C9orf153: variants seen among roughly 807,000 people sequenced by gnomAD.
C9orf153 encodes uncharacterized protein C9orf153.
Under a neutral mutation model 9.0 loss-of-function variants are expected in C9orf153, and 10 were observed. The observed-to-expected ratio is 1.11, with a 90% CI of 0.69 to 1.89. C9orf153 has a LOEUF of 1.89. Among genes scored for constraint, C9orf153 ranks in the 40% most tolerant of loss-of-function variants. The probability of loss-of-function intolerance (pLI) is 0.00; values close to 1 mark genes in which losing one functional copy is unlikely to be tolerated. For synonymous variants in C9orf153, 35 were observed against 37.3 expected (o/e 0.94, Z 0.23); for missense variants, 108 against 111.0 (o/e 0.97, Z 0.12).
At chr9:86,256,034 C>T (rs1825117235) in intron 1 of C9orf153, among the ~76,000 whole-genome samples, 1 of 152,246 alleles carries the variant, frequency 6.6e-6, no homozygotes, top group African/African-American at 2.4e-5. Flanking sequence ...TGCAGCTTTG[C>T]TTGACGCAGT....
chr9:86,242,179 C>T (rs1219325719), intron 1 of C9orf153, among the ~76,000 whole-genome samples: 1 of 152,034 alleles, frequency 6.6e-6, no homozygotes, highest in Non-Finnish European at 1.5e-5. Context: ...GAAGAATCTT[C>T]CAGGCAGAAG....
At chr9:86,246,566 AT>A (rs962095227) in intron 1 of C9orf153, among the ~76,000 whole-genome samples, 3 of 152,228 alleles carry the variant, frequency 2.0e-5, no homozygotes, top group Admixed American at 6.5e-5. Flanking sequence ...ACATGAAATA[AT>A]TTTTTTTAAA....
chr9:86,221,805 A>G lies in C9orf153; in HGVS notation c.243-72T>C, dbSNP rs1163785370. ...GCCTTTCATTACTCAGAGATGCTTC[A>G]TGGACAGGGTAAACCTTTGATGAAC... On this transcript the variant is annotated intron_variant, in intron 3 of 3. Coordinates refer to ENST00000339137, the MANE Select transcript of C9orf153 (RefSeq NM_001276366.4). The G allele has an allele frequency of 3.8e-6, 4 of 1,044,988 alleles. No homozygotes were observed. The African/African-American group carries it at 6.4e-5, about 17-fold the overall frequency. The allele number at this position is 1,044,988 out of a possible 1,614,324, so 64.7% of individuals were successfully genotyped here.
chr9:86,239,599 C>A (rs931261630), intron 1 of C9orf153, among the ~76,000 whole-genome samples: 6 of 152,270 alleles, frequency 3.9e-5, no homozygotes, highest in Admixed American at 2.6e-4. Context: ...AGCAGCAAAC[C>A]CTTACAGCCT....
At chr9:86,239,816 T>C (rs575893320) in intron 1 of C9orf153, among the ~76,000 whole-genome samples, 12 of 152,344 alleles carry the variant, frequency 7.9e-5, no homozygotes, top group African/African-American at 2.9e-4. Flanking sequence ...AACAAAAATC[T>C]AGTCAGTTAC....
At chr9:86,240,308 G>A (rs1461538764) in intron 1 of C9orf153, among the ~76,000 whole-genome samples, 1 of 151,708 alleles carries the variant, frequency 6.6e-6, no homozygotes, top group Non-Finnish European at 1.5e-5. Flanking sequence ...TATATATTAT[G>A]CTATAGTGGA....
intron 1 of C9orf153, among the ~76,000 whole-genome samples, chr9:86,241,428 A>G (rs1246080848): frequency 6.6e-6 from 1 of 152,104 alleles, no homozygotes; most frequent in Non-Finnish European, 1.5e-5. Context: ...TGGTTGTGGG[A>G]GGGAGATTGT....
intron 1 of C9orf153, among the ~76,000 whole-genome samples, chr9:86,245,972 C>T (rs1044876514): frequency 4.6e-5 from 7 of 152,180 alleles, no homozygotes; most frequent in African/African-American, 1.7e-4. Flanking sequence ...CATCCCACAG[C>T]TTTCTTTCCA....
chr9:86,237,483 A>G (rs1310055216), intron 1 of C9orf153, among the ~76,000 whole-genome samples: 1 of 152,164 alleles, frequency 6.6e-6, no homozygotes, highest in Non-Finnish European at 1.5e-5. Context: ...GATGGGGTCT[A>G]TGTTGCCCAG....
intron 1 of C9orf153, among the ~76,000 whole-genome samples, chr9:86,249,139 C>T: frequency 6.6e-6 from 1 of 152,218 alleles, no homozygotes; most frequent in East Asian, 1.9e-4. Context: ...ATTCTTTACT[C>T]CTTTCTGTCT....
intron 1 of C9orf153, among the ~76,000 whole-genome samples, chr9:86,230,697 A>C (rs1824450775): frequency 6.6e-6 from 1 of 152,242 alleles, no homozygotes; most frequent in Non-Finnish European, 1.5e-5. Flanking sequence ...AGTGTTTTTT[A>C]TTCAGGAGGA....
At chr9:86,246,277 A>G (rs1220574363) in intron 1 of C9orf153, among the ~76,000 whole-genome samples, 2 of 152,168 alleles carry the variant, frequency 1.3e-5, no homozygotes, top group Non-Finnish European at 2.9e-5. Flanking sequence ...ATTTGAATGT[A>G]ATTTTAAAGG....
intron 1 of C9orf153, among the ~76,000 whole-genome samples, chr9:86,236,548 C>CA (rs976982879): frequency 0.27 from 17,546 of 64,654 alleles, 1,735 homozygotes; most frequent in East Asian, 0.51. Context: ...GACTCCATCT[C>CA]AAAAAAAAAA....
chr9:86,233,989 G>A (rs1177948120), intron 1 of C9orf153, among the ~76,000 whole-genome samples: 2 of 151,954 alleles, frequency 1.3e-5, no homozygotes, highest in Non-Finnish European at 2.9e-5. Flanking sequence ...AGGCTGAGGC[G>A]GGAGAATCGC....
intron 1 of C9orf153, among the ~76,000 whole-genome samples, chr9:86,251,620 T>C (rs1824994749): frequency 6.6e-6 from 1 of 152,008 alleles, no homozygotes; most frequent in African/African-American, 2.4e-5. Context: ...GTTTAGAGGT[T>C]TTGAAAGTTT....
intron 1 of C9orf153, among the ~76,000 whole-genome samples, chr9:86,244,289 G>A (rs1175513259): frequency 6.6e-6 from 1 of 151,978 alleles, no homozygotes; most frequent in African/African-American, 2.4e-5. Context: ...TGCCCAGCTG[G>A]TCTCCAACTC....
At chr9:86,232,528 C>T (rs758314038) in intron 1 of C9orf153, among the ~76,000 whole-genome samples, 25 of 152,086 alleles carry the variant, frequency 1.6e-4, no homozygotes, top group Non-Finnish European at 3.2e-4. Context: ...CAGATTCCTA[C>T]AGTAAATTTT....
Position 86,229,596 on chromosome 9 carries a change from A to T in C9orf153, c.8T>A (p.Leu3His), listed in dbSNP as rs1204073887. MF[L>H]TGDTSPAEDN... ...CTCAGCTGGACTGGTGTCTCCAGTGAGGAACATCGTGCTGGGATTTTATTC... is the reference window on the plus strand; with the variant it reads ...CTCAGCTGGACTGGTGTCTCCAGTGTGGAACATCGTGCTGGGATTTTATTC... Residue 3 changes from leucine to histidine, a missense_variant, in exon 2 of 4, where the codon CTC (leucine) becomes CAC (histidine). By Grantham distance (99) the Leu-to-His change is moderately conservative. Coordinates refer to ENST00000339137, the MANE Select transcript of C9orf153 (RefSeq NM_001276366.4). 6.2e-7 allele frequency: 1 copy of T among 1,611,330 alleles called. No individual in the cohort carries two copies. The highest frequency in any genetic ancestry group is 1.7e-5 in the Admixed American group (1 of 59,922).
At chr9:86,244,214 G>T (rs1379419688) in intron 1 of C9orf153, among the ~76,000 whole-genome samples, 6 of 152,144 alleles carry the variant, frequency 3.9e-5, no homozygotes, top group Non-Finnish European at 7.4e-5. Flanking sequence ...AATTAATTTT[G>T]CCTGTATCTT....
Sources: allele counts gnomAD v4.1 joint callset (sites outside exome capture counted in the v4.1 genomes callset), GRCh38; gene constraint gnomAD v4.1.1; transcripts MANE v1.5; gene names NCBI Gene and HGNC (gene_info 2026-07-23, HGNC 2026-07-21).